ADAMTS3: variants seen among roughly 807,000 people sequenced by gnomAD.
ADAMTS3 encodes the protein A disintegrin and metalloproteinase with thrombospondin motifs 3.
A neutral mutation model predicts 129.0 loss-of-function variants in ADAMTS3; 73 were observed. That is an observed-to-expected ratio of 0.57 (90% confidence interval 0.47 to 0.69). ADAMTS3 has a LOEUF of 0.69. ADAMTS3 is among the 30% of genes least tolerant of loss of function. ADAMTS3 has a pLI of 0.00. For missense variants in ADAMTS3, 1,457 were observed against 1,514.5 expected (o/e 0.96, Z 0.63); for synonymous variants, 477 against 510.8 (o/e 0.93, Z 0.89).
intron 19 of ADAMTS3, among the ~76,000 whole-genome samples, chr4:72,291,431 T>C (rs1718665475): frequency 8.0e-6 from 1 of 125,170 alleles, no homozygotes; most frequent in Non-Finnish European, 1.6e-5. Context: ...CCCCAGAGTG[T>C]GATGTTCCCC....
rs1193732734 is a variant in ADAMTS3 at position 72,511,793 on chromosome 4, CAG to C, written c.504+36683_504+36684del. 2.0e-5 allele frequency among the ~76,000 whole-genome samples: 3 copies of C among 152,236 alleles called. No homozygotes were observed. The East Asian group carries it at 5.8e-4, about 29-fold the overall frequency. On this transcript the variant is annotated intron_variant, in intron 3 of 21. Coordinates refer to ENST00000286657, the MANE Select transcript of ADAMTS3 (RefSeq NM_014243.3). ...CCCAAAAGAAAGGCTATCAGTATAT[CAG>C]AGAGATATCTGCACTATTAGGTTTG...
chr4:72,319,325 G>C lies in ADAMTS3; in HGVS notation c.1352+7C>G, dbSNP rs1221905757. The C allele has an allele frequency of 1.2e-6, 2 of 1,613,660 alleles. No individual in the cohort carries two copies. Among genetic ancestry groups the C allele is most frequent in the African/African-American group, 2.7e-5 (2 of 74,876 alleles). On this transcript the variant is annotated splice_region_variant and intron_variant, in intron 9 of 21. Coordinates refer to ENST00000286657, the MANE Select transcript of ADAMTS3 (RefSeq NM_014243.3). ...AATACTTTCATGACATGCAGCAGGG[G>C]ACATACTGGATATATCTTTTCAGTT...
At chr4:72,557,034 A>AAG in intron 2 of ADAMTS3, among the ~76,000 whole-genome samples, 1 of 151,736 alleles carries the variant, frequency 6.6e-6, no homozygotes, top group East Asian at 1.9e-4. Flanking sequence ...AATCTAAAAG[A>AAG]CTGGAATTCT....
At chr4:72,350,664 A>G (rs1720410836) in intron 4 of ADAMTS3, among the ~76,000 whole-genome samples, 1 of 151,976 alleles carries the variant, frequency 6.6e-6, no homozygotes, top group Non-Finnish European at 1.5e-5. Context: ...TCTACAGCTA[A>G]TGACTGACCA....
At chr4:72,351,982 A>C (rs926040668) in intron 4 of ADAMTS3, among the ~76,000 whole-genome samples, 1 of 151,424 alleles carries the variant, frequency 6.6e-6, no homozygotes, top group Non-Finnish European at 1.5e-5. Flanking sequence ...GGTAACAACA[A>C]GCAGTATGAA....
chr4:72,445,288 C>T (rs1036001471), intron 3 of ADAMTS3, among the ~76,000 whole-genome samples: 2 of 151,662 alleles, frequency 1.3e-5, no homozygotes, highest in South Asian at 2.1e-4. Flanking sequence ...GAAATAAATA[C>T]TTGCTCATGT....
At chr4:72,309,261 T>G in intron 15 of ADAMTS3, 136 bp downstream of exon 15, 1 of 796,310 alleles carries the variant, frequency 1.3e-6, no homozygotes. Flanking sequence ...CCTTAAAAGG[T>G]AATCTGAATA....
At chr4:72,418,971 G>A (rs1722376895) in intron 3 of ADAMTS3, among the ~76,000 whole-genome samples, 1 of 152,004 alleles carries the variant, frequency 6.6e-6, no homozygotes, top group African/African-American at 2.4e-5. Context: ...TATAACATCA[G>A]GTCTTTGCAA....
At chr4:72,444,749 G>T (rs551471845) in intron 3 of ADAMTS3, among the ~76,000 whole-genome samples, 11 of 151,722 alleles carry the variant, frequency 7.3e-5, no homozygotes, top group African/African-American at 1.4e-4. Flanking sequence ...GATGAATTCA[G>T]ATTACAATAT....
intron 4 of ADAMTS3, among the ~76,000 whole-genome samples, chr4:72,402,444 A>C (rs1349912139): frequency 6.6e-6 from 1 of 152,192 alleles, no homozygotes; most frequent in Admixed American, 6.5e-5. Context: ...GTGTTCATCT[A>C]AAATTTATCA....
chr4:72,438,572 T>C (rs1343708387), intron 3 of ADAMTS3, among the ~76,000 whole-genome samples: 2 of 151,740 alleles, frequency 1.3e-5, no homozygotes, highest in South Asian at 2.1e-4. Context: ...CTAGCTGCTT[T>C]TGAATTCAAT....
rs150317944 is a variant in ADAMTS3, at chr4:72,443,101, C to T, written c.505-28130G>A. ...GTGTCAAATAACTTATCCTTCTTGG[C>T]GACTGAAACATGGGAAGTAATTTTC... On this transcript the variant is annotated intron_variant, in intron 3 of 21. Transcript: ENST00000286657. Among the ~76,000 whole-genome samples the T allele has an allele frequency of 1.7e-3, 252 of 151,690 alleles. 1 individual carries two copies. Among genetic ancestry groups the T allele is most frequent in the African/African-American group, 5.6e-3 (234 of 41,444 alleles).
intron 3 of ADAMTS3, among the ~76,000 whole-genome samples, chr4:72,463,428 A>G (rs1452564915): frequency 6.6e-6 from 1 of 152,036 alleles, no homozygotes; most frequent in African/African-American, 2.4e-5. Context: ...GCATTTGTGC[A>G]AAGCAGAAGC....
chr4:72,455,973 C>CTATATATATGTATTTT (rs1418698479), intron 3 of ADAMTS3, among the ~76,000 whole-genome samples: 35 of 12,084 alleles, frequency 2.9e-3, no homozygotes, highest in African/African-American at 6.3e-3. Flanking sequence ...ATATATTTTA[C>CTATATATATGTATTTT]ATATAGTATA....
intron 3 of ADAMTS3, among the ~76,000 whole-genome samples, chr4:72,446,392 C>A (rs1531740): frequency 0.66 from 99,858 of 151,294 alleles, 33,145 homozygotes; most frequent in South Asian, 0.79. Flanking sequence ...TCATTCTAAT[C>A]ATGATTTGCC....
chr4:72,329,366 C>T (rs1719781047), intron 5 of ADAMTS3, among the ~76,000 whole-genome samples: 2 of 152,068 alleles, frequency 1.3e-5, no homozygotes, highest in Admixed American at 6.6e-5. Flanking sequence ...AATTGTGTGA[C>T]TGTTTAGGGA....
At chr4:72,442,836 T>C (rs1319408289) in intron 3 of ADAMTS3, among the ~76,000 whole-genome samples, 1 of 151,710 alleles carries the variant, frequency 6.6e-6, no homozygotes, top group Non-Finnish European at 1.5e-5. Flanking sequence ...CTGAAATTAA[T>C]CTCTGGGAAG....
intron 5 of ADAMTS3, 66 bp downstream of exon 5, chr4:72,339,428 G>C: frequency 1.3e-6 from 2 of 1,522,764 alleles, no homozygotes; most frequent in Middle Eastern, 1.7e-4. Flanking sequence ...GATTGCCAAA[G>C]GGTACCAACA....
chr4:72,422,723 C>T (rs1253388374), intron 3 of ADAMTS3, among the ~76,000 whole-genome samples: 1 of 152,058 alleles, frequency 6.6e-6, no homozygotes, highest in Non-Finnish European at 1.5e-5. Flanking sequence ...GAGGGGTCCT[C>T]ACAGCCATAT....
Sources: allele counts gnomAD v4.1 joint callset (sites outside exome capture counted in the v4.1 genomes callset), GRCh38; gene constraint gnomAD v4.1.1; transcripts MANE v1.5; gene names NCBI Gene and HGNC (gene_info 2026-07-23, HGNC 2026-07-21).